GRM5: variants seen among roughly 807,000 people sequenced by gnomAD.
GRM5 encodes glutamate metabotropic receptor 5, also known as metabotropic glutamate receptor 5.
GRM5 carries 19 observed loss-of-function variants against 83.1 expected under a neutral mutation model. That is an observed-to-expected ratio of 0.23 (90% CI 0.16 to 0.34). The LOEUF (loss-of-function observed/expected upper bound fraction) is 0.34, where lower values mean the gene tolerates loss of function less well. Ranked by LOEUF, GRM5 falls within the 10% of genes least tolerant of loss-of-function variation. The pLI, the probability that GRM5 is intolerant of heterozygous loss-of-function variation, is 1.00. For missense variants in GRM5, 1,160 were observed against 1,588.3 expected (o/e 0.73, Z 4.58); for synonymous variants, 675 against 633.6 (o/e 1.07, Z -0.98).
At chr11:88,574,031 C>T (rs1186764676) in intron 7 of GRM5, among the ~76,000 whole-genome samples, 1 of 152,128 alleles carries the variant, frequency 6.6e-6, no homozygotes, top group Non-Finnish European at 1.5e-5. Flanking sequence ...TCATTTCTCT[C>T]TGTAGCACTT....
At chr11:88,876,510 G>T (rs1944855686) in intron 2 of GRM5, among the ~76,000 whole-genome samples, 1 of 152,000 alleles carries the variant, frequency 6.6e-6, no homozygotes, top group African/African-American at 2.4e-5. Context: ...TTTTTTATTT[G>T]CATTCACAAC....
intron 2 of GRM5, among the ~76,000 whole-genome samples, chr11:89,004,916 G>T (rs569845434): frequency 1.3e-5 from 2 of 152,074 alleles, no homozygotes; most frequent in African/African-American, 4.8e-5. Context: ...GCTCTTCTTC[G>T]TTCCTCAGTC....
intron 3 of GRM5, among the ~76,000 whole-genome samples, chr11:88,677,023 A>G (rs1373034236): frequency 2.6e-5 from 4 of 152,052 alleles, no homozygotes; most frequent in Non-Finnish European, 4.4e-5. Flanking sequence ...GTATGGTTAG[A>G]GTAATAGGAT....
At chr11:88,980,846 A>G (rs1382154496) in intron 2 of GRM5, among the ~76,000 whole-genome samples, 2 of 152,150 alleles carry the variant, frequency 1.3e-5, no homozygotes, top group African/African-American at 2.4e-5. Flanking sequence ...AAATAAAAAT[A>G]AAAGGATATA....
intron 3 of GRM5, among the ~76,000 whole-genome samples, chr11:88,806,701 CT>C (rs1943504581): frequency 6.6e-6 from 1 of 152,136 alleles, no homozygotes; most frequent in Non-Finnish European, 1.5e-5. Flanking sequence ...ATCTCTGGTG[CT>C]TTTTATTCCC....
chr11:88,849,528 T>A (rs1258613000), intron 3 of GRM5, among the ~76,000 whole-genome samples: 1 of 152,188 alleles, frequency 6.6e-6, no homozygotes, highest in Non-Finnish European at 1.5e-5. Context: ...ATTCTATGAT[T>A]CAACATTATA....
At position 88,998,833 on chromosome 11, in the gene GRM5, TA is replaced by T. The variant is rs1295349890; in HGVS notation, c.661+48378del. The stretch of plus-strand genomic sequence containing the variant: ...ATAAAAAATTACCATTTACAATCAC[TA>T]AAAAATGGTGTATAAATCTACAAAG... On this transcript the variant is annotated intron_variant, in intron 2 of 9. Coordinates refer to ENST00000305447, the MANE Select transcript of GRM5 (RefSeq NM_001143831.3). Among the ~76,000 whole-genome samples the T allele has an allele frequency of 3.3e-5, 5 of 152,270 alleles. No homozygotes were observed. In the South Asian group the frequency reaches 6.2e-4, roughly 19 times the overall value.
chr11:88,960,482 A>AG (rs1331951996), intron 2 of GRM5, among the ~76,000 whole-genome samples: 2 of 152,208 alleles, frequency 1.3e-5, no homozygotes. Context: ...TTTCCTAGGA[A>AG]GGAACATCCA....
At chr11:88,887,050 A>C (rs1257416666) in intron 2 of GRM5, among the ~76,000 whole-genome samples, 1 of 151,890 alleles carries the variant, frequency 6.6e-6, no homozygotes, top group African/African-American at 2.4e-5. Flanking sequence ...TTACCCAAAC[A>C]CTCTAGCTAA....
chr11:88,632,589 T>G (rs1261992770), intron 4 of GRM5, among the ~76,000 whole-genome samples: 1 of 152,234 alleles, frequency 6.6e-6, no homozygotes, highest in Non-Finnish European at 1.5e-5. Flanking sequence ...TTCCATTACA[T>G]GAATATATCA....
intron 3 of GRM5, among the ~76,000 whole-genome samples, chr11:88,668,021 A>G (rs1456061289): frequency 6.6e-6 from 1 of 152,158 alleles, no homozygotes; most frequent in Non-Finnish European, 1.5e-5. Context: ...GTTATACACT[A>G]AAAAGTAATT....
intron 2 of GRM5, among the ~76,000 whole-genome samples, chr11:88,866,590 A>C (rs1378399587): frequency 2.0e-5 from 3 of 152,000 alleles, no homozygotes; most frequent in Non-Finnish European, 4.4e-5. Context: ...CATAAAATGA[A>C]CAAAGGCCTG....
chr11:88,721,223 AT>A (rs1420693838), intron 3 of GRM5, among the ~76,000 whole-genome samples: 5 of 152,112 alleles, frequency 3.3e-5, no homozygotes, highest in Admixed American at 6.6e-5. Context: ...AACAGTGAAT[AT>A]TTTCATCATG....
intron 7 of GRM5, among the ~76,000 whole-genome samples, chr11:88,585,104 G>C (rs1378126544): frequency 6.6e-6 from 1 of 152,158 alleles, no homozygotes; most frequent in African/African-American, 2.4e-5. Flanking sequence ...GGAGTCTGAA[G>C]GAACAGGCCT....
chr11:88,802,249 T>C (rs949231474), intron 3 of GRM5, among the ~76,000 whole-genome samples: 2 of 152,042 alleles, frequency 1.3e-5, no homozygotes, highest in African/African-American at 4.8e-5. Flanking sequence ...CTCACAAAAA[T>C]CAGAAGTTCT....
At chr11:89,027,163 T>G (rs1941146338) in intron 2 of GRM5, among the ~76,000 whole-genome samples, 1 of 151,834 alleles carries the variant, frequency 6.6e-6, no homozygotes, top group Admixed American at 6.6e-5. Context: ...TGGCGCAATC[T>G]CGGCTCACTG....
intron 2 of GRM5, among the ~76,000 whole-genome samples, chr11:88,900,657 T>G (rs2135595107): frequency 6.6e-6 from 1 of 152,220 alleles, no homozygotes; most frequent in Admixed American, 6.5e-5. Context: ...ATATAAAATT[T>G]TAGAGATCAT....
intron 2 of GRM5, among the ~76,000 whole-genome samples, chr11:88,894,097 TCTC>T (rs1161132567): frequency 6.6e-6 from 1 of 151,930 alleles, no homozygotes; most frequent in Non-Finnish European, 1.5e-5. Context: ...CATCTTCTCT[TCTC>T]TGTTAGCTAT....
chr11:89,061,255 A>G (rs1941986849), intron 1 of GRM5, among the ~76,000 whole-genome samples: 1 of 152,182 alleles, frequency 6.6e-6, no homozygotes, highest in Non-Finnish European at 1.5e-5. Flanking sequence ...TCTTCATCCC[A>G]TGAGGATAGA....
Sources: gnomAD v4.1 joint callset for allele counts (sites outside exome capture counted in the v4.1 genomes callset) on GRCh38, gnomAD v4.1.1 for gene constraint, MANE v1.5 for transcripts, NCBI Gene and HGNC (gene_info 2026-07-23, HGNC 2026-07-21) for gene names.